Variants in TTYH1 observed in about 807,000 individuals in gnomAD.
TTYH1 encodes the protein tweety family member 1.
In TTYH1, 33 loss-of-function variants were observed where a neutral mutation model predicts 61.2. The ratio of observed to expected loss-of-function variants is 0.54; its 90% confidence interval spans 0.41 to 0.72. The LOEUF (loss-of-function observed/expected upper bound fraction) is 0.72. Ranked by LOEUF, TTYH1 falls within the 30% of genes least tolerant of loss-of-function variation. The probability of loss-of-function intolerance (pLI) is 0.00; values close to 1 mark genes in which losing one functional copy is unlikely to be tolerated. For missense variants in TTYH1, 538 were observed against 575.8 expected, an observed-to-expected ratio of 0.93 and a Z score of 0.67; for synonymous variants, 308 against 266.4, an observed-to-expected ratio of 1.16 and a Z score of -1.52.
chr19:54,416,709 A>G lies in TTYH1; in HGVS notation c.126+1031A>G. The G allele has an allele frequency of 7.8e-7, 1 of 1,274,846 alleles. No individual in the cohort carries two copies. Among genetic ancestry groups the G allele is most frequent in the Non-Finnish European group, 1.0e-6 (1 of 977,342 alleles). 79.0% of individuals were successfully genotyped at this position (1,274,846 alleles called of 1,614,324 possible). A position where few individuals can be genotyped will look rare whatever the true frequency, so the allele number is the denominator to read the frequency against. On this transcript the variant is annotated intron_variant, in intron 1 of 13. Transcript: ENST00000376530. This position sits in a 1 kb window ranked among gnomAD's most constrained non-coding sequence, Gnocchi z 7.0. ...GAGCTATTTGGGTCACGGCTGGCAC[A>G]GCCCTGAGCAGCTCTTCCCCGCCTG...
At chr19:54,426,228 C>T (rs2083317150) in intron 4 of TTYH1, among the ~76,000 whole-genome samples, 1 of 152,136 alleles carries the variant, frequency 6.6e-6, no homozygotes, top group African/African-American at 2.4e-5. Context: ...AGTTACCCGG[C>T]CAGTTAAGCG....
chr19:54,430,053 T>C (rs906669084), intron 7 of TTYH1, 96 bp downstream of exon 7: 2 of 1,129,876 alleles, frequency 1.8e-6, no homozygotes, highest in Admixed American at 4.3e-5. Flanking sequence ...CAGGGTGGGG[T>C]GGGGGTGCAG....
rs1214341004 is a variant in TTYH1, at chr19:54,421,840, C to T, written c.418-350C>T. On this transcript the variant is annotated intron_variant, in intron 3 of 13. Transcript: ENST00000376530. This position sits in a 1 kb window ranked among gnomAD's most constrained non-coding sequence, Gnocchi z 4.8. ...TTCATGCCTTAGATTCCATGTCCAG[C>T]TGCAGACTCTAGACCATGGGACCCA... is the stretch of plus-strand genomic sequence containing the variant. Among the ~76,000 whole-genome samples the T allele has an allele frequency of 3.3e-5, 5 of 152,268 alleles. No homozygotes were observed.
At chr19:54,418,161 C>G (rs1178610126) in intron 1 of TTYH1, 1 of 152,230 alleles carries the variant, frequency 6.6e-6, no homozygotes, top group Non-Finnish European at 1.5e-5. Context: ...TCAGTGCAAA[C>G]CCCCTGGGCC....
In TTYH1 at chr19:54,436,679, A is replaced by G; in HGVS notation, c.*389A>G. 1 of 477,392 alleles carries G rather than the reference A, an allele frequency of 2.1e-6. No individual in the cohort carries two copies. 29.6% of individuals were successfully genotyped at this position (477,392 alleles called of 1,614,324 possible). A position where few individuals can be genotyped will look rare whatever the true frequency, so the allele number is the denominator to read the frequency against. ...TCAACTCGTGGCACTAACTTGGAAA[A>G]GGGTTGATTTAAAATAAAAGGGAAG... On this transcript the variant is annotated 3_prime_UTR_variant, in exon 14 of 14. Transcript: ENST00000376530. The surrounding 1 kb of genome is among the most constrained non-coding windows in gnomAD (Gnocchi z 4.3).
In TTYH1 at chr19:54,436,320, CCT is replaced by C. The variant is rs2083551908; in HGVS notation, c.*43-7_*43-6del. On this transcript the variant is annotated splice_polypyrimidine_tract_variant and intron_variant, in intron 13 of 13. Transcript: ENST00000376530. The surrounding 1 kb of genome is among the most constrained non-coding windows in gnomAD (Gnocchi z 4.3). ...AGCCTGCATCACTGCCCTGTCTCTCCCTCTCTCCGCAGTTCCTTCCCTGGCTG... is the reference window on the plus strand; with the variant it reads ...AGCCTGCATCACTGCCCTGTCTCTCCCTCTCCGCAGTTCCTTCCCTGGCTG... 6.2e-7 allele frequency: 1 copy of C among 1,614,080 alleles called. No individual in the cohort carries two copies. The highest frequency in any genetic ancestry group is 8.5e-7 in the Non-Finnish European group (1 of 1,180,002).
rs562278536 is a variant in TTYH1 at position 54,422,367 on chromosome 19, C to T, written c.595C>T (p.Pro199Ser). Residue 199 changes from proline to serine, a missense_variant, in exon 4 of 14, where the codon CCC becomes TCC. Physicochemically the swap from Pro to Ser is moderately conservative, Grantham distance 74. Coordinates refer to ENST00000376530, the MANE Select transcript of TTYH1 (RefSeq NM_020659.4). ...CTTCTGGCAGGGAGTGCCCCTGAGCCCCCTGCAGGTGGCTGAAAATGTGTC... is the reference window on the plus strand; with the variant it reads ...CTTCTGGCAGGGAGTGCCCCTGAGCTCCCTGCAGGTGGCTGAAAATGTGTC... ...LAFWQGVPLS[P>S]LQVAENVSFV... 1.3e-6 allele frequency: 2 copies of T among 1,574,640 alleles called. No individual in the cohort carries two copies. The highest frequency in any genetic ancestry group is 1.9e-5 in the Admixed American group (1 of 52,880).
At position 54,430,583 on chromosome 19, in the gene TTYH1, C is replaced by G; in HGVS notation, c.917C>G (p.Ala306Gly). ...AGCTATTATCTCCTCTGCAACCGGG[C>G]CGTCTCCAACCCCTTCCAACAGGTT... ...ILSYYLLCNRAVSNPFQQRLT... is the reference protein window; with the variant it reads ...ILSYYLLCNRGVSNPFQQRLT... Residue 306 changes from alanine to glycine, a missense_variant, in exon 8 of 14, where the codon GCC becomes GGC. By Grantham distance (60) the Ala-to-Gly change is moderately conservative (BLOSUM62 0). Transcript: ENST00000376530. 1 of 1,614,026 alleles carries G rather than the reference C, an allele frequency of 6.2e-7. No homozygotes were observed. The highest frequency in any genetic ancestry group is 8.5e-7 in the Non-Finnish European group (1 of 1,179,972).
Position 54,431,225 on chromosome 19 carries a change from CG to C in TTYH1, c.1125+40del, listed in dbSNP as rs550867383. ...CCTCCCCTCCCAATTTCTTCTCCCA[CG>C]GGGGGCCTCTGTCTCGACCCACAGA... is the stretch of plus-strand genomic sequence containing the variant. On this transcript the variant is annotated intron_variant, in intron 10 of 13. Transcript: ENST00000376530. 800 of 1,513,426 alleles carry C rather than the reference CG, an allele frequency of 5.3e-4. 2 individuals are homozygous for C. The East Asian group carries it at 5.6e-3, about 11-fold the overall frequency. The allele number at this position is 1,513,426 out of a possible 1,614,324, so 93.7% of individuals were successfully genotyped here.
chr19:54,421,482 C>T lies in TTYH1; in HGVS notation c.417+94C>T. The T allele has an allele frequency of 4.6e-6, 4 of 872,674 alleles. No individual in the cohort carries two copies. The South Asian group carries it at 5.3e-5, about 12-fold the overall frequency. 54.1% of individuals were successfully genotyped at this position (872,674 alleles called of 1,614,324 possible). The stretch of plus-strand genomic sequence containing the variant: ...GGGATCCAAACTCAGAGCTAAGACC[C>T]CAGGCTTGAAGCTTAGGAACCCAGA... On this transcript the variant is annotated intron_variant, in intron 3 of 13. Transcript: ENST00000376530. This position sits in a 1 kb window ranked among gnomAD's most constrained non-coding sequence, Gnocchi z 4.8.
At position 54,415,924 on chromosome 19, in the gene TTYH1, T is replaced by C; in HGVS notation, c.126+246T>C. The C allele has an allele frequency of 1.2e-6, 1 of 866,612 alleles. No homozygotes were observed. The highest frequency in any genetic ancestry group is 3.4e-5 in the East Asian group (1 of 29,178). 53.7% of individuals were successfully genotyped at this position (866,612 alleles called of 1,614,324 possible). ...AGGGAAGGCTGGGGACCTGCACCCC[T>C]GAGTTCATGGAGAGGAGGGGAGGGG... On this transcript the variant is annotated intron_variant, in intron 1 of 13. Transcript: ENST00000376530. This position sits in a 1 kb window ranked among gnomAD's most constrained non-coding sequence, Gnocchi z 5.2.
rs775602519 is a variant in TTYH1 at position 54,419,250 on chromosome 19, C to T, written c.249C>T (p.Pro83=). 7.5e-6 allele frequency: 12 copies of T among 1,608,060 alleles called. No individual in the cohort carries two copies. The highest frequency in any genetic ancestry group is 5.5e-5 in the South Asian group (5 of 91,070). The change falls in exon 2 of 14, where the codon CCC becomes CCT. Residue 83 remains proline (P), a synonymous_variant. Transcript: ENST00000376530. This position sits in a 1 kb window ranked among gnomAD's most constrained non-coding sequence, Gnocchi z 6.1. ...RPPEPPGSKI[P]SPGGGCVTWS... Reference sequence around the variant, plus strand: ...CCGAGCCCCCCGGGTCCAAGATCCCCTCGCCCGGGGGAGGCTGCGTCACCT... The same window carrying T: ...CCGAGCCCCCCGGGTCCAAGATCCCTTCGCCCGGGGGAGGCTGCGTCACCT...
Position 54,426,760 on chromosome 19 carries a change from G to A in TTYH1, c.726G>A (p.Leu242=). ...GCCTGGCGAAGCAGAGCAAGTGGCT[G>A]GTGATCGTGTAAGTGCAGGCAGTAG... The part of the protein sequence containing the change: ...LLGLAKQSKW[L]VIVMTVMSLL... The change falls in exon 5 of 14, where the codon CTG becomes CTA. Residue 242 remains leucine, a synonymous_variant. Transcript: ENST00000376530. 6.2e-7 allele frequency: 1 copy of A among 1,613,758 alleles called. No individual in the cohort carries two copies. Among genetic ancestry groups the A allele is most frequent in the Non-Finnish European group, 8.5e-7 (1 of 1,179,962 alleles).
At chr19:54,432,271 G>A (rs1052133976) in intron 10 of TTYH1, 4 of 152,192 alleles carry the variant, frequency 2.6e-5, no homozygotes, top group Admixed American at 6.6e-5. Flanking sequence ...CACACCCGAG[G>A]ATGCCTTTCC....
chr19:54,422,373 C>A lies in TTYH1; in HGVS notation c.601C>A (p.Gln201Lys), dbSNP rs1375522938. 10 of 1,573,212 alleles carry A rather than the reference C, an allele frequency of 6.4e-6. No homozygotes were observed. The African/African-American group carries it at 9.4e-5, about 15-fold the overall frequency. The change falls in exon 4 of 14, where the codon CAG (glutamine) becomes AAG (lysine). Residue 201 changes from glutamine (Q) to lysine (K), a missense_variant. Coordinates refer to ENST00000376530, the MANE Select transcript of TTYH1 (RefSeq NM_020659.4). Reference protein sequence around the residue: ...FWQGVPLSPLQVAENVSFVEE... With the variant: ...FWQGVPLSPLKVAENVSFVEE... Reference sequence around the variant, plus strand: ...GCAGGGAGTGCCCCTGAGCCCCCTGCAGGTGGCTGAAAATGTGTCCTTTGT... The same window carrying A: ...GCAGGGAGTGCCCCTGAGCCCCCTGAAGGTGGCTGAAAATGTGTCCTTTGT...
chr19:54,416,826 C>T lies in TTYH1; in HGVS notation c.126+1148C>T. The T allele has an allele frequency of 7.7e-7, 1 of 1,293,662 alleles. No individual in the cohort carries two copies. Among genetic ancestry groups the T allele is most frequent in the Non-Finnish European group, 1.0e-6 (1 of 988,702 alleles). 80.1% of individuals were successfully genotyped at this position (1,293,662 alleles called of 1,614,324 possible). ...ACAACGGCCACCTCCAACAACGCCG[C>T]TCCACCGGCTCCGGCCTCGGCCCAG... On this transcript the variant is annotated intron_variant, in intron 1 of 13. Transcript: ENST00000376530. This position sits in a 1 kb window ranked among gnomAD's most constrained non-coding sequence, Gnocchi z 7.0.
intron 12 of TTYH1, 59 bp downstream of exon 12, chr19:54,435,932 A>G: frequency 6.2e-7 from 1 of 1,602,198 alleles, no homozygotes; most frequent in Non-Finnish European, 8.5e-7. Context: ...CCTGGGTCTG[A>G]GGGAGGAGGA....
In TTYH1 at chr19:54,436,763, G is replaced by T; in HGVS notation, c.*473G>T. The T allele has an allele frequency of 4.3e-6, 1 of 235,058 alleles. No individual in the cohort carries two copies. The highest frequency in any genetic ancestry group is 8.4e-6 in the Non-Finnish European group (1 of 118,668). 14.6% of individuals were successfully genotyped at this position (235,058 alleles called of 1,614,324 possible). ...CTCCTCTCCCTTGATTCGGCCTCCT[G>T]GCCAGGGCTGGGACATCCTCCCTGC... On this transcript the variant is annotated 3_prime_UTR_variant, in exon 14 of 14. Transcript: ENST00000376530. This position sits in a 1 kb window ranked among gnomAD's most constrained non-coding sequence, Gnocchi z 4.3.
At position 54,427,468 on chromosome 19, in the gene TTYH1, G is replaced by T. The variant is rs1218111355; in HGVS notation, c.734+700G>T. Among the ~76,000 whole-genome samples the T allele has an allele frequency of 1.1e-4, 17 of 151,680 alleles. No individual in the cohort carries two copies. In the South Asian group the frequency reaches 1.9e-3, roughly 17 times the overall value. ...AAAATACAAAAATTAGCCGGGCGTG[G>T]TGGCGGGCGCCTATAGTCCCAGCTA... On this transcript the variant is annotated intron_variant, in intron 5 of 13. Coordinates refer to ENST00000376530, the MANE Select transcript of TTYH1 (RefSeq NM_020659.4).
Sources: allele counts gnomAD v4.1 joint callset (sites outside exome capture counted in the v4.1 genomes callset), GRCh38; gene constraint gnomAD v4.1.1; non-coding constraint Gnocchi (gnomAD v3.1); transcripts MANE v1.5; gene names NCBI Gene and HGNC (gene_info 2026-07-23, HGNC 2026-07-21).